ENTPD6: variants seen among roughly 807,000 people sequenced by gnomAD.
ENTPD6 encodes the protein ectonucleoside triphosphate diphosphohydrolase 6.
A neutral mutation model predicts 61.5 loss-of-function variants in ENTPD6; 46 were observed. The ratio of observed to expected loss-of-function variants is 0.75; its 90% CI spans 0.59 to 0.96. ENTPD6 has a LOEUF of 0.96. ENTPD6 is among the 40% of genes least tolerant of loss of function. ENTPD6 has a pLI of 0.00. For missense variants in ENTPD6, 612 were observed against 629.0 expected, an observed-to-expected ratio of 0.97 and a Z score of 0.29; for synonymous variants, 252 against 255.5, an observed-to-expected ratio of 0.99 and a Z score of 0.13.
At chr20:25,217,181 A>G (rs1360720572) in intron 8 of ENTPD6, among the ~76,000 whole-genome samples, 2 of 152,178 alleles carry the variant, frequency 1.3e-5, no homozygotes, top group South Asian at 2.1e-4. Context: ...CTTTAAAAAC[A>G]GTTCCCTCCT....
chr20:25,221,610 A>C (rs2092635513), intron 11 of ENTPD6: 1 of 473,312 alleles, frequency 2.1e-6, no homozygotes, highest in South Asian at 2.0e-5. Context: ...TGCAGGGAGG[A>C]AGGACTGGAC....
At chr20:25,196,038 T>G in intron 1 of ENTPD6, 171 bp downstream of exon 1, 1 of 854,292 alleles carries the variant, frequency 1.2e-6, no homozygotes, top group Non-Finnish European at 1.6e-6. Context: ...TCCCTGGATG[T>G]CTGGGCTCCG....
Position 25,225,674 on chromosome 20 carries a change from C to T in ENTPD6, c.*77C>T, listed in dbSNP as rs2092780882. On this transcript the variant is annotated 3_prime_UTR_variant, in exon 15 of 15. Coordinates refer to ENST00000376652, the MANE Select transcript of ENTPD6 (RefSeq NM_001247.5). ...CCTCCTGTCCTGGACGTGACTTCAT[C>T]CTGAGGAGCCACAGCACAGGCCGTG... is the stretch of plus-strand genomic sequence containing the variant. 2.4e-6 allele frequency: 3 copies of T among 1,232,314 alleles called. No homozygotes were observed. The highest frequency in any genetic ancestry group is 3.5e-6 in the Non-Finnish European group (3 of 858,182). The allele number at this position is 1,232,314 out of a possible 1,614,324, so 76.3% of individuals were successfully genotyped here. A position where few individuals can be genotyped will look rare whatever the true frequency, so the allele number is the denominator to read the frequency against.
intron 1 of ENTPD6, among the ~76,000 whole-genome samples, chr20:25,204,470 T>TTATA (rs10534876): frequency 1.0e-4 from 15 of 150,166 alleles, no homozygotes; most frequent in African/African-American, 1.5e-4. Context: ...TTACAAAGCT[T>TTATA]TATATATATA....
At chr20:25,202,710 A>T (rs2122560406) in intron 1 of ENTPD6, among the ~76,000 whole-genome samples, 1 of 152,376 alleles carries the variant, frequency 6.6e-6, no homozygotes, top group South Asian at 2.1e-4. Context: ...CACAGATTAC[A>T]TCTATATATA....
intron 3 of ENTPD6, 73 bp from the exon 4 acceptor site, chr20:25,209,776 G>T: frequency 7.8e-7 from 1 of 1,289,316 alleles, no homozygotes; most frequent in Non-Finnish European, 1.1e-6. Context: ...TAAAAAGTGT[G>T]GCTAGTCATG....
rs2092685296 is a variant in ENTPD6, at chr20:25,222,885, C to T, written c.1093C>T (p.Gln365Ter). ...LCAARVSEVL[Q>*]NRVHRTEEVK... ...TGCTGCCAGAGTGTCAGAGGTCCTTCAAAACAGAGTGCACAGGACGGAGGA... is the reference window on the plus strand; with the variant it reads ...TGCTGCCAGAGTGTCAGAGGTCCTTTAAAACAGAGTGCACAGGACGGAGGA... The change falls in exon 12 of 15, where the codon CAA becomes TAA. Residue 365 changes from glutamine to a stop codon, truncating the protein, a stop_gained. Transcript: ENST00000376652. LOFTEE classifies it high-confidence loss of function. 3 of 1,614,148 alleles carry T rather than the reference C, an allele frequency of 1.9e-6. No homozygotes were observed. The highest frequency in any genetic ancestry group is 2.7e-5 in the African/African-American group (2 of 75,052).
At chr20:25,201,838 C>T (rs1038819157) in intron 1 of ENTPD6, among the ~76,000 whole-genome samples, 1 of 152,162 alleles carries the variant, frequency 6.6e-6, no homozygotes, top group Non-Finnish European at 1.5e-5. Context: ...ACCTCAGCCT[C>T]CCCAAGGAGC....
intron 1 of ENTPD6, among the ~76,000 whole-genome samples, chr20:25,201,076 T>G (rs2090995983): frequency 1.3e-5 from 2 of 152,236 alleles, no homozygotes; most frequent in African/African-American, 4.8e-5. Context: ...TCTTCAGTTG[T>G]TTAAGATTGG....
intron 1 of ENTPD6, chr20:25,197,365 C>G (rs1275562999): frequency 1.8e-5 from 8 of 442,816 alleles, no homozygotes; most frequent in African/African-American, 1.7e-4. Context: ...GGAGCCACAC[C>G]TCTCTGTTTG....
At position 25,209,849 on chromosome 20, in the gene ENTPD6, A is replaced by G; in HGVS notation, c.377A>G (p.Glu126Gly). 6.2e-7 allele frequency: 1 copy of G among 1,613,592 alleles called. No individual in the cohort carries two copies. Among genetic ancestry groups the G allele is most frequent in the Non-Finnish European group, 8.5e-7 (1 of 1,179,498 alleles). ...HVFQFTRPPR[E>G]TPTLTHETFK... ...CCTTTTCAACATGTTTTCCCCTTAGAAACTCCCACGTTAACCCACGAAACC... is the reference window on the plus strand; with the variant it reads ...CCTTTTCAACATGTTTTCCCCTTAGGAACTCCCACGTTAACCCACGAAACC... The change falls in exon 4 of 15, where the codon GAA becomes GGA. Residue 126 changes from glutamate to glycine, a missense_variant and splice_region_variant. Glu to Gly is a moderately conservative substitution (Grantham distance 98). Transcript: ENST00000376652.
intron 4 of ENTPD6, among the ~76,000 whole-genome samples, chr20:25,212,500 C>T (rs928169423): frequency 2.6e-5 from 4 of 152,162 alleles, no homozygotes; most frequent in Admixed American, 2.6e-4. Context: ...TTCCCACACA[C>T]CTGCCAGTAC....
rs1163676319 is a variant in ENTPD6 at position 25,224,167 on chromosome 20, G to C, written c.1243+10G>C. The C allele has an allele frequency of 6.2e-7, 1 of 1,610,644 alleles. No individual in the cohort carries two copies. The highest frequency in any genetic ancestry group is 8.5e-7 in the Non-Finnish European group (1 of 1,178,360). ...ATCGCAGCCAAGTACGGTGAGTGATGCTGCAGGGGCCATCTCAGCAGGGGC... is the reference window on the plus strand; with the variant it reads ...ATCGCAGCCAAGTACGGTGAGTGATCCTGCAGGGGCCATCTCAGCAGGGGC... On this transcript the variant is annotated intron_variant, in intron 13 of 14. Coordinates refer to ENST00000376652, the MANE Select transcript of ENTPD6 (RefSeq NM_001247.5).
rs543412118 is a variant in ENTPD6, at chr20:25,227,591, A to C, written c.*1994A>C. On this transcript the variant is annotated 3_prime_UTR_variant, in exon 15 of 15. Coordinates refer to ENST00000376652, the MANE Select transcript of ENTPD6 (RefSeq NM_001247.5). The stretch of plus-strand genomic sequence containing the variant: ...AGCTACACGTGCACATCGTAAAAGA[A>C]GCAAACTAGGGTTGCTTGAAAATTC... 2.6e-5 allele frequency among the ~76,000 whole-genome samples: 4 copies of C among 152,368 alleles called. No homozygotes were observed. Among genetic ancestry groups the C allele is most frequent in the Middle Eastern group, 6.8e-3 (2 of 294 alleles).
intron 1 of ENTPD6, among the ~76,000 whole-genome samples, chr20:25,201,375 C>A (rs1452608165): frequency 6.6e-6 from 1 of 151,610 alleles, no homozygotes; most frequent in African/African-American, 2.4e-5. Flanking sequence ...AATAATATTA[C>A]TATTATTGAT....
intron 1 of ENTPD6, among the ~76,000 whole-genome samples, chr20:25,204,267 C>G (rs1420780407): frequency 2.0e-5 from 3 of 152,156 alleles, no homozygotes; most frequent in African/African-American, 7.2e-5. Context: ...TTTAGTTCCT[C>G]TTTCCAAGTT....
chr20:25,225,575 G>A lies in ENTPD6; in HGVS notation c.1433G>A (p.Arg478Lys). The change falls in exon 15 of 15, where the codon AGA becomes AAA. Residue 478 changes from arginine to lysine, a missense_variant. By Grantham distance (26) the Arg-to-Lys change is conservative. Transcript: ENST00000376652. ...AIFHYIDSLN[R>K]QKSPAS is the part of the protein sequence containing the mutation. ...TTTCATTACATCGACTCCCTGAACAGACAGAAGAGTCCAGCCTCATAGTGG... is the reference window on the plus strand; with the variant it reads ...TTTCATTACATCGACTCCCTGAACAAACAGAAGAGTCCAGCCTCATAGTGG... 6.2e-7 allele frequency: 1 copy of A among 1,614,036 alleles called. No homozygotes were observed. Among genetic ancestry groups the A allele is most frequent in the South Asian group, 1.1e-5 (1 of 91,070 alleles).
chr20:25,221,159 G>A (rs1371844221), intron 10 of ENTPD6, 73 bp from the exon 11 acceptor site: 9 of 1,231,866 alleles, frequency 7.3e-6, no homozygotes, highest in South Asian at 4.2e-5. Flanking sequence ...GGGCCTCCGC[G>A]ACTCCTAGCT....
Position 25,222,898 on chromosome 20 carries a change from A to T in ENTPD6, c.1106A>T (p.His369Leu), listed in dbSNP as rs765771055. Residue 369 changes from histidine (H) to leucine (L), a missense_variant, in exon 12 of 15, where the codon CAC (histidine) becomes CTC (leucine). Physicochemically the swap from His to Leu is moderately conservative, Grantham distance 99. Coordinates refer to ENST00000376652, the MANE Select transcript of ENTPD6 (RefSeq NM_001247.5). The part of the protein sequence containing the change: ...RVSEVLQNRV[H>L]RTEEVKHVDF... Reference sequence around the variant, plus strand: ...TCAGAGGTCCTTCAAAACAGAGTGCACAGGACGGAGGAAGTGAAGCATGTG... The same window carrying T: ...TCAGAGGTCCTTCAAAACAGAGTGCTCAGGACGGAGGAAGTGAAGCATGTG... 2.5e-6 allele frequency: 4 copies of T among 1,614,168 alleles called. No individual in the cohort carries two copies. The highest frequency in any genetic ancestry group is 2.2e-5 in the South Asian group (2 of 91,084).
Sources: gnomAD v4.1 joint callset for allele counts (sites outside exome capture counted in the v4.1 genomes callset) on GRCh38, gnomAD v4.1.1 for gene constraint, MANE v1.5 for transcripts, NCBI Gene and HGNC (gene_info 2026-07-23, HGNC 2026-07-21) for gene names.